TANC2: variants seen among roughly 807,000 people sequenced by gnomAD.
TANC2 encodes the protein tetratricopeptide repeat, ankyrin repeat and coiled-coil containing 2.
In TANC2, 26 loss-of-function variants were observed where a neutral mutation model predicts 210.5. The observed-to-expected ratio is 0.12, with a 90% CI of 0.09 to 0.17. The LOEUF is 0.17. TANC2 is among the 10% of genes least tolerant of loss of function. The probability of loss-of-function intolerance (pLI) is 1.00; values close to 1 mark genes in which losing one functional copy is unlikely to be tolerated. For synonymous variants in TANC2, 931 were observed against 967.1 expected (o/e 0.96, Z 0.69); for missense variants, 2,129 against 2,608.9 (o/e 0.82, Z 4.01).
intron 5 of TANC2, among the ~76,000 whole-genome samples, chr17:63,172,519 C>T (rs1275456574): frequency 6.6e-6 from 1 of 152,096 alleles, no homozygotes; most frequent in Non-Finnish European, 1.5e-5. Flanking sequence ...TTAATAACTG[C>T]AGTCCCTCAG....
At chr17:63,253,917 G>A (rs180768775) in intron 8 of TANC2, among the ~76,000 whole-genome samples, 15 of 152,202 alleles carry the variant, frequency 9.9e-5, no homozygotes, top group Non-Finnish European at 1.8e-4. Context: ...CCAAAGTGCT[G>A]GGATTACAAG....
At chr17:63,054,251 T>C (rs2035686549) in intron 2 of TANC2, among the ~76,000 whole-genome samples, 1 of 152,252 alleles carries the variant, frequency 6.6e-6, no homozygotes, top group African/African-American at 2.4e-5. Flanking sequence ...GCTCCTTTTC[T>C]CTTTTCTACC....
At chr17:63,425,633 C>T (rs1454030558) in exon 28 of TANC2, 2 of 152,220 alleles carry the variant, frequency 1.3e-5, no homozygotes, top group Admixed American at 1.3e-4. Context: ...GGCATCCCCT[C>T]GGGAGAGAGG....
intron 4 of TANC2, among the ~76,000 whole-genome samples, chr17:63,112,010 C>T (rs2038068534): frequency 6.6e-6 from 1 of 152,212 alleles, no homozygotes; most frequent in African/African-American, 2.4e-5. Context: ...AGGCGTGAGC[C>T]ACCGCGCCCG....
chr17:63,351,643 A>C (rs16946875), intron 13 of TANC2, among the ~76,000 whole-genome samples: 37,927 of 152,092 alleles, frequency 0.25, 4,835 homozygotes, highest in South Asian at 0.31. Flanking sequence ...GGTTTAATAA[A>C]ATGTTCCTCA....
intron 2 of TANC2, among the ~76,000 whole-genome samples, chr17:63,040,361 G>A (rs2035138123): frequency 6.6e-6 from 1 of 152,112 alleles, no homozygotes; most frequent in South Asian, 2.1e-4. Context: ...GTACAGTATA[G>A]AAACAATTGA....
intron 1 of TANC2, among the ~76,000 whole-genome samples, chr17:63,009,296 C>G (rs1215183813): frequency 6.6e-6 from 1 of 151,364 alleles, no homozygotes; most frequent in Non-Finnish European, 1.5e-5. Flanking sequence ...TTTGTGGGTA[C>G]ATAGTAGGTG....
intron 7 of TANC2, among the ~76,000 whole-genome samples, chr17:63,201,622 CT>C (rs76234428): frequency 0.045 from 6,344 of 139,668 alleles, 196 homozygotes; most frequent in South Asian, 0.19. Context: ...TTTCTTATAC[CT>C]TTTTTTTTTT....
At chr17:63,185,013 G>A (rs1214756770) in intron 5 of TANC2, among the ~76,000 whole-genome samples, 1 of 150,386 alleles carries the variant, frequency 6.6e-6, no homozygotes, top group Admixed American at 6.6e-5. Flanking sequence ...GACAGAGTGT[G>A]AGACAGGGTC....
chr17:63,203,136 CA>C (rs1234799002), intron 7 of TANC2, among the ~76,000 whole-genome samples: 1 of 152,134 alleles, frequency 6.6e-6, no homozygotes, highest in African/African-American at 2.4e-5. Flanking sequence ...AGAATAGTTA[CA>C]GTAATTCACA....
chr17:63,065,627 C>A (rs1287805058), intron 2 of TANC2, among the ~76,000 whole-genome samples: 1 of 152,232 alleles, frequency 6.6e-6, no homozygotes, highest in South Asian at 2.1e-4. Flanking sequence ...TGGTTTTAAT[C>A]TGCATTTCTC....
chr17:63,306,649 C>G (rs2044917501), intron 9 of TANC2, among the ~76,000 whole-genome samples: 1 of 152,086 alleles, frequency 6.6e-6, no homozygotes. Flanking sequence ...CAAATAAGCC[C>G]TCTGGCTAAA....
intron 2 of TANC2, among the ~76,000 whole-genome samples, chr17:63,010,991 T>C (rs941094623): frequency 5.3e-5 from 8 of 152,150 alleles, no homozygotes; most frequent in Non-Finnish European, 1.2e-4. Flanking sequence ...TCATTGGTGA[T>C]GAACTCAACC....
rs375634479 is a variant in TANC2, at chr17:63,052,591, A to G, written c.68-21352A>G. 2.9e-4 allele frequency among the ~76,000 whole-genome samples: 44 copies of G among 152,334 alleles called. No homozygotes were observed. The South Asian group carries it at 3.3e-3, about 11-fold the overall frequency. On this transcript the variant is annotated intron_variant, in intron 2 of 27. Coordinates refer to ENST00000689528, the Ensembl canonical transcript of TANC2. The stretch of plus-strand genomic sequence containing the variant: ...GAATAGCTTGATATAAGGGGTTAGC[A>G]AACTTTTTCTGTAAAGTACCAGGTA...
intron 14 of TANC2, among the ~76,000 whole-genome samples, chr17:63,358,376 A>AGAGAGAGAGAGAGTGTGTGTGT (rs1470682571): frequency 1.2e-5 from 1 of 80,942 alleles, no homozygotes; most frequent in African/African-American, 3.7e-5. Context: ...AGAGAGAGAG[A>AGAGAGAGAGAGAGTGTGTGTGT]GTATGTGTGT....
At chr17:62,967,773 T>G (rs1349224869) in intron 1 of TANC2, 3 of 151,840 alleles carry the variant, frequency 2.0e-5, no homozygotes, top group African/African-American at 4.8e-5. Flanking sequence ...CAATGGTTAA[T>G]TATAGAGAAC....
In TANC2 at chr17:63,041,838, C is replaced by A. The variant is rs148956010; in HGVS notation, c.68-32105C>A. Among the ~76,000 whole-genome samples, 622 of 152,230 alleles carry A rather than the reference C, an allele frequency of 4.1e-3. 5 individuals carry two copies. Among genetic ancestry groups the A allele is most frequent in the African/African-American group, 0.013 (539 of 41,534 alleles). ...CTGAAGAGCAGGACACTCATAGTAACTCTTTGGTCCCACCCTTTCCCATCA... is the reference window on the plus strand; with the variant it reads ...CTGAAGAGCAGGACACTCATAGTAAATCTTTGGTCCCACCCTTTCCCATCA... On this transcript the variant is annotated intron_variant, in intron 2 of 27. Transcript: ENST00000689528.
intron 2 of TANC2, among the ~76,000 whole-genome samples, chr17:63,040,284 A>G (rs1015935024): frequency 1.1e-4 from 16 of 152,232 alleles, no homozygotes; most frequent in African/African-American, 3.9e-4. Context: ...TAGGACAAGT[A>G]ACATTTCTCT....
chr17:63,010,508 A>T (rs1022918487), intron 2 of TANC2, among the ~76,000 whole-genome samples: 2 of 151,344 alleles, frequency 1.3e-5, no homozygotes, highest in African/African-American at 4.9e-5. Flanking sequence ...TCTCTGGTAG[A>T]CACCAACTGT....
Sources: gnomAD v4.1 joint callset for allele counts (sites outside exome capture counted in the v4.1 genomes callset) on GRCh38, gnomAD v4.1.1 for gene constraint, MANE v1.5 for transcripts, NCBI Gene and HGNC (gene_info 2026-07-23, HGNC 2026-07-21) for gene names.